VSTM1: variants seen among roughly 807,000 people sequenced by gnomAD.
VSTM1 encodes the protein V-set and transmembrane domain containing 1, also known as V-set and transmembrane domain-containing protein 1.
In VSTM1, 27 loss-of-function variants were observed where a neutral mutation model predicts 33.1. The ratio of observed to expected loss-of-function variants is 0.82; its 90% CI spans 0.60 to 1.12. The LOEUF (loss-of-function observed/expected upper bound fraction) is 1.12, where lower values mean the gene tolerates loss of function less well. Among genes scored for constraint, VSTM1 ranks in the 50% most tolerant of loss-of-function variants. VSTM1 has a pLI of 0.00. For missense variants in VSTM1, 304 were observed against 288.9 expected (o/e 1.05, Z -0.38); for synonymous variants, 115 against 110.3 (o/e 1.04, Z -0.27).
At chr19:54,042,254 C>T (rs756336323) in intron 5 of VSTM1, 23 bp downstream of exon 5, 6 of 1,613,920 alleles carry the variant, frequency 3.7e-6, no homozygotes, top group Non-Finnish European at 5.1e-6. Context: ...CCCCCTCTCT[C>T]CCTTTGCGTT....
chr19:54,043,505 G>A (rs2070423263), intron 4 of VSTM1, among the ~76,000 whole-genome samples: 1 of 151,724 alleles, frequency 6.6e-6, no homozygotes, highest in Admixed American at 6.6e-5. Context: ...TCCGCCTCCC[G>A]GGTTCAAGCA....
rs1296709633 is a variant in VSTM1 at position 54,057,012 on chromosome 19, C to G, written c.355+1294G>C. Among the ~76,000 whole-genome samples, 3 of 140,322 alleles carry G rather than the reference C, an allele frequency of 2.1e-5. 1 individual carries two copies. The highest frequency in any genetic ancestry group is 7.9e-5 in the African/African-American group (3 of 37,988). The allele number at this position is 140,322 out of a possible 152,430, so 92.1% of individuals were successfully genotyped here. On this transcript the variant is annotated intron_variant, in intron 3 of 8. Transcript: ENST00000338372. ...CTGGGATTACAGGCGCCTGCCACCA[C>G]GCCCAGCTAATTTTTGTATTTTAAG... is the stretch of plus-strand genomic sequence containing the variant.
At chr19:54,049,254 C>T (rs2070734659) in intron 4 of VSTM1, among the ~76,000 whole-genome samples, 1 of 152,110 alleles carries the variant, frequency 6.6e-6, no homozygotes, top group Non-Finnish European at 1.5e-5. Context: ...CAAAGGATCA[C>T]ATAGTGTATG....
chr19:54,062,406 G>A lies in VSTM1; in HGVS notation c.34+1338C>T, dbSNP rs115494736. Among the ~76,000 whole-genome samples, 1,149 of 152,112 alleles carry A rather than the reference G, an allele frequency of 7.6e-3. 14 individuals carry two copies. The highest frequency in any genetic ancestry group is 0.026 in the African/African-American group (1,096 of 41,526). On this transcript the variant is annotated intron_variant, in intron 1 of 8. Transcript: ENST00000338372. ...ACTGTGCTCAGCAGCTGGAGGCTTGGGTATGAACCCGATAGTCATCTCTAA... is the reference window on the plus strand; with the variant it reads ...ACTGTGCTCAGCAGCTGGAGGCTTGAGTATGAACCCGATAGTCATCTCTAA...
At chr19:54,056,246 G>A (rs1203979645) in intron 3 of VSTM1, among the ~76,000 whole-genome samples, 1 of 81,544 alleles carries the variant, frequency 1.2e-5, no homozygotes, top group Non-Finnish European at 2.2e-5. Context: ...TTTTGAGACA[G>A]GTTCTCATTC....
At chr19:54,049,748 A>G (rs768458934) in intron 4 of VSTM1, among the ~76,000 whole-genome samples, 1 of 152,154 alleles carries the variant, frequency 6.6e-6, no homozygotes, top group Non-Finnish European at 1.5e-5. Flanking sequence ...AAAACGTTTC[A>G]AATAGTTATC....
intron 1 of VSTM1, 92 bp from the exon 2 acceptor site, chr19:54,058,824 G>T: frequency 1.3e-6 from 1 of 764,730 alleles, no homozygotes; most frequent in Non-Finnish European, 2.1e-6. Flanking sequence ...TTATAGGTCT[G>T]AGATATATAT....
chr19:54,046,977 C>T (rs942201030), intron 4 of VSTM1, among the ~76,000 whole-genome samples: 15 of 152,108 alleles, frequency 9.9e-5, no homozygotes, highest in Admixed American at 5.2e-4. Flanking sequence ...AGGCAGAGCA[C>T]CTGAGGTCAG....
intron 3 of VSTM1, 74 bp from the exon 4 acceptor site, chr19:54,051,522 T>C (rs902669577): frequency 8.5e-7 from 1 of 1,178,838 alleles, no homozygotes. Context: ...CCTCACGTCC[T>C]ACTTATAGAC....
chr19:54,062,617 G>T lies in VSTM1; in HGVS notation c.34+1127C>A, dbSNP rs536000109. Among the ~76,000 whole-genome samples, 10 of 151,870 alleles carry T rather than the reference G, an allele frequency of 6.6e-5. No homozygotes were observed. In the South Asian group the frequency reaches 2.1e-3, roughly 32 times the overall value. On this transcript the variant is annotated intron_variant, in intron 1 of 8. Transcript: ENST00000338372. ...CGTGTGCCTATAATCCCAGCTTCTC[G>T]GGAGGCGGAGGCAGGAGAATCGCTT...
intron 1 of VSTM1, among the ~76,000 whole-genome samples, chr19:54,062,053 G>A (rs2071419276): frequency 6.6e-6 from 1 of 151,414 alleles, no homozygotes; most frequent in East Asian, 2.0e-4. Context: ...CTACTTGGGA[G>A]GCTAAGGCAG....
At chr19:54,046,019 TTATC>T (rs1466615548) in intron 4 of VSTM1, among the ~76,000 whole-genome samples, 23 of 152,156 alleles carry the variant, frequency 1.5e-4, no homozygotes, top group Admixed American at 1.5e-3. Context: ...TCATATCTAG[TTATC>T]TATCTACTTA....
At chr19:54,050,529 C>A (rs1339235844) in intron 4 of VSTM1, among the ~76,000 whole-genome samples, 6 of 152,056 alleles carry the variant, frequency 3.9e-5, no homozygotes, top group Non-Finnish European at 8.8e-5. Context: ...AAATCCCACC[C>A]TAGTTTTTCA....
intron 4 of VSTM1, among the ~76,000 whole-genome samples, chr19:54,049,138 C>T (rs1282651483): frequency 2.0e-5 from 3 of 152,054 alleles, no homozygotes; most frequent in Non-Finnish European, 4.4e-5. Flanking sequence ...TGTGGTCTAT[C>T]CATACAATAC....
chr19:54,062,502 C>G (rs1048562439), intron 1 of VSTM1, among the ~76,000 whole-genome samples: 27 of 152,160 alleles, frequency 1.8e-4, no homozygotes, highest in African/African-American at 6.3e-4. Context: ...GTGGGTAGAT[C>G]ACCTGAGTTC....
In VSTM1 at chr19:54,042,348, G is replaced by C. The variant is rs1264376184; in HGVS notation, c.416C>G (p.Ala139Gly). The C allele has an allele frequency of 1.2e-6, 2 of 1,613,780 alleles. No homozygotes were observed. The highest frequency in any genetic ancestry group is 1.7e-6 in the Non-Finnish European group (2 of 1,179,896). ...AAGGATGGAGATGCAGCTGAAGATG[G>C]CGACAAAGATGGTTCTGGTGTCTGG... ...MKTDTRTIFV[A>G]IFSCISILLL... The change falls in exon 5 of 9, where the codon GCC becomes GGC. Residue 139 changes from alanine (A) to glycine (G), a missense_variant. Transcript: ENST00000338372.
At position 54,059,853 on chromosome 19, in the gene VSTM1, T is replaced by A. The variant is rs200747410; in HGVS notation, c.35-1121A>T. Among the ~76,000 whole-genome samples the A allele has an allele frequency of 8.5e-4, 127 of 150,146 alleles. No individual in the cohort carries two copies. In the East Asian group the frequency reaches 0.016, roughly 19 times the overall value. ...AGTGAGAGTGGTGGGTTTTTTTTTTTTTTTTATTTTTCGAGATGGAGTCTC... is the reference window on the plus strand; with the variant it reads ...AGTGAGAGTGGTGGGTTTTTTTTTTATTTTTATTTTTCGAGATGGAGTCTC... On this transcript the variant is annotated intron_variant, in intron 1 of 8. Transcript: ENST00000338372.
At chr19:54,047,852 T>A (rs1234622959) in intron 4 of VSTM1, among the ~76,000 whole-genome samples, 2 of 152,196 alleles carry the variant, frequency 1.3e-5, no homozygotes, top group African/African-American at 2.4e-5. Context: ...CCACAGATCC[T>A]GGCCAAATGT....
chr19:54,045,989 CTATT>C (rs1438281368), intron 4 of VSTM1, among the ~76,000 whole-genome samples: 1 of 152,108 alleles, frequency 6.6e-6, no homozygotes, highest in Non-Finnish European at 1.5e-5. Context: ...TACCTATCGT[CTATT>C]TATCTATCTA....
Sources: allele counts gnomAD v4.1 joint callset (sites outside exome capture counted in the v4.1 genomes callset), GRCh38; gene constraint gnomAD v4.1.1; transcripts MANE v1.5; gene names NCBI Gene and HGNC (gene_info 2026-07-23, HGNC 2026-07-21).